Variants in ADGRL1 observed in about 807,000 individuals in gnomAD.
ADGRL1 encodes the protein CIRL-1.
Under a neutral mutation model 148.9 loss-of-function variants are expected in ADGRL1, and 31 were observed. That is an observed-to-expected ratio of 0.21 (90% CI 0.16 to 0.28). The LOEUF (loss-of-function observed/expected upper bound fraction) is 0.28, where lower values mean the gene tolerates loss of function less well. ADGRL1 is among the 10% of genes least tolerant of loss of function. The pLI, the probability that ADGRL1 is intolerant of heterozygous loss-of-function variation, is 1.00. For synonymous variants in ADGRL1, 937 were observed against 900.3 expected (o/e 1.04, Z -0.73); for missense variants, 1,521 against 2,058.8 (o/e 0.74, Z 5.05).
At chr19:14,186,497 G>A (rs1971581918) in intron 1 of ADGRL1, among the ~76,000 whole-genome samples, 1 of 152,120 alleles carries the variant, frequency 6.6e-6, no homozygotes. Context: ...GAAGCCATCA[G>A]CAACTCCTGT....
intron 18 of ADGRL1, among the ~76,000 whole-genome samples, chr19:14,154,157 G>A (rs1338109759): frequency 1.3e-5 from 2 of 151,992 alleles, no homozygotes; most frequent in East Asian, 1.9e-4. Flanking sequence ...TGTGAGGTGG[G>A]GGCTGTGAAA....
chr19:14,196,658 AC>A (rs1441591753), intron 1 of ADGRL1, among the ~76,000 whole-genome samples: 1 of 152,144 alleles, frequency 6.6e-6, no homozygotes, highest in Non-Finnish European at 1.5e-5. Flanking sequence ...AATGTGAAAC[AC>A]CAGGCACTGT....
intron 3 of ADGRL1, 106 bp downstream of exon 3, chr19:14,177,425 T>C (rs1461573777): frequency 3.0e-6 from 3 of 1,016,408 alleles, no homozygotes; most frequent in Admixed American, 1.8e-5. Context: ...AGTAAACATG[T>C]GTTGAATGCA....
chr19:14,151,404 G>A lies in ADGRL1; in HGVS notation c.3879C>T (p.Ser1293=), dbSNP rs568620837. The A allele has an allele frequency of 1.8e-5, 29 of 1,610,614 alleles. 1 individual carries two copies. The highest frequency in any genetic ancestry group is 1.7e-4 in the Middle Eastern group (1 of 6,056). ...CAGGCGGTGGAGGGCCCTTGGCCGC[G>A]CTGCTGCTCCCCCGCAGGTTGTTGT... ...LVHNNLRGSS[S]AAKGPPPPEP... The change falls in exon 23 of 23, where the codon AGC becomes AGT. Residue 1293 remains serine, a synonymous_variant. Coordinates refer to ENST00000361434, the MANE Select transcript of ADGRL1 (RefSeq NM_014921.5).
In ADGRL1 at chr19:14,157,916, G is replaced by T. The variant is rs1216648262; in HGVS notation, c.2501C>A (p.Thr834Asn). Residue 834 changes from threonine to asparagine, a missense_variant, in exon 13 of 23, where the codon ACC becomes AAC. Thr to Asn is a moderately conservative substitution (Grantham distance 65). Coordinates refer to ENST00000361434, the MANE Select transcript of ADGRL1 (RefSeq NM_014921.5). The surrounding 1 kb of genome is among the most constrained non-coding windows in gnomAD (Gnocchi z 7.5). ...GTGAGCCATGAGCACAGCGAAGTTGGTGAGGTGGCTGCAGGCACACGTGGT... is the reference window on the plus strand; with the variant it reads ...GTGAGCCATGAGCACAGCGAAGTTGTTGAGGTGGCTGCAGGCACACGTGGT... The part of the protein sequence containing the change: ...THTTCACSHL[T>N]NFAVLMAHRE... The T allele has an allele frequency of 6.2e-7, 1 of 1,614,100 alleles. No individual in the cohort carries two copies. Among genetic ancestry groups the T allele is most frequent in the African/African-American group, 1.3e-5 (1 of 74,948 alleles).
rs1398062873 is a variant in ADGRL1, at chr19:14,177,716, C to T, written c.99G>A (p.Gly33=). 6.2e-7 allele frequency: 1 copy of T among 1,613,264 alleles called. No homozygotes were observed. Among genetic ancestry groups the T allele is most frequent in the Non-Finnish European group, 8.5e-7 (1 of 1,179,858 alleles). ...CACACGCCAGCTCCCGGCGCATCAGCCCGAACGGGAGCCCGGCCCGGCTCA... is the reference window on the plus strand; with the variant it reads ...CACACGCCAGCTCCCGGCGCATCAGTCCGAACGGGAGCCCGGCCCGGCTCA... ...QGLSRAGLPF[G]LMRRELACEG... The change falls in exon 3 of 23, where the codon GGG becomes GGA. Residue 33 remains glycine, a synonymous_variant. Transcript: ENST00000361434.
At chr19:14,164,871 G>A (rs1325590695) in intron 4 of ADGRL1, among the ~76,000 whole-genome samples, 6 of 152,132 alleles carry the variant, frequency 3.9e-5, no homozygotes, top group Non-Finnish European at 5.9e-5. Context: ...CCTCCATCCA[G>A]GATGGCCGGG....
rs551904324 is a variant in ADGRL1, at chr19:14,168,425, CAT to C, written c.394+2255_394+2256del. Among the ~76,000 whole-genome samples the C allele has an allele frequency of 2.7e-3, 410 of 152,252 alleles. 2 individuals carry two copies. Among genetic ancestry groups the C allele is most frequent in the Middle Eastern group, 0.01 (3 of 294 alleles). Reference sequence around the variant, plus strand: ...AACATCCACCCCGTATGTGTGCACACATGTCTGCGCGTGTGTGTGTGTGCGTG... The same window carrying C: ...AACATCCACCCCGTATGTGTGCACACGTCTGCGCGTGTGTGTGTGTGCGTG... On this transcript the variant is annotated intron_variant, in intron 4 of 22. Coordinates refer to ENST00000361434, the MANE Select transcript of ADGRL1 (RefSeq NM_014921.5).
intron 2 of ADGRL1, among the ~76,000 whole-genome samples, chr19:14,179,445 G>A (rs1568611401): frequency 6.6e-6 from 1 of 152,010 alleles, no homozygotes; most frequent in South Asian, 2.1e-4. Flanking sequence ...AGTGAGCTGA[G>A]ATTGCACCAC....
At chr19:14,151,733 C>T in intron 22 of ADGRL1, 118 bp from the exon 23 acceptor site, 1 of 983,742 alleles carries the variant, frequency 1.0e-6, no homozygotes, top group Non-Finnish European at 1.5e-6. Context: ...TTTCCGTAGG[C>T]TTCCCCCTGC....
At chr19:14,153,011 G>T in intron 18 of ADGRL1, 99 bp from the exon 19 acceptor site, 2 of 1,420,526 alleles carry the variant, frequency 1.4e-6, no homozygotes, top group Non-Finnish European at 1.9e-6. Flanking sequence ...TTGGGAGGCC[G>T]GAGACCGAGC....
intron 1 of ADGRL1, chr19:14,191,331 C>CT (rs1365256850): frequency 2.2e-6 from 1 of 456,592 alleles, no homozygotes; most frequent in East Asian, 6.9e-5. Flanking sequence ...CCTTGCCATG[C>CT]TGTGACCTCT....
Position 14,150,673 on chromosome 19 carries a change from G to A in ADGRL1, c.*200C>T, listed in dbSNP as rs1968070606. On this transcript the variant is annotated 3_prime_UTR_variant, in exon 23 of 23. Coordinates refer to ENST00000361434, the MANE Select transcript of ADGRL1 (RefSeq NM_014921.5). ...ATAGAGCTGGTGCGTGTGGCTGGTG[G>A]GAAACCCTGTCTGTGAACCCTGGCA... 1 of 610,782 alleles carries A rather than the reference G, an allele frequency of 1.6e-6. No individual in the cohort carries two copies. The highest frequency in any genetic ancestry group is 2.1e-5 in the South Asian group (1 of 47,642). The allele number at this position is 610,782 out of a possible 1,614,324, so 37.8% of individuals were successfully genotyped here.
intron 4 of ADGRL1, among the ~76,000 whole-genome samples, chr19:14,163,972 C>T (rs971216425): frequency 1.3e-5 from 2 of 151,878 alleles, no homozygotes; most frequent in Non-Finnish European, 2.9e-5. Context: ...CCTCTTTCTT[C>T]CTCCTGCAAA....
chr19:14,155,556 G>C lies in ADGRL1; in HGVS notation c.3126-29C>G, dbSNP rs772347530. On this transcript the variant is annotated intron_variant, in intron 17 of 22. Coordinates refer to ENST00000361434, the MANE Select transcript of ADGRL1 (RefSeq NM_014921.5). This position sits in a 1 kb window ranked among gnomAD's most constrained non-coding sequence, Gnocchi z 5.0. The stretch of plus-strand genomic sequence containing the variant: ...GGAGTGGGGCGACAGGGGAGTCAAA[G>C]TACCCGCCGGAGGGGACGGCCTCAG... 3.1e-6 allele frequency: 5 copies of C among 1,611,096 alleles called. No homozygotes were observed. In the Admixed American group the frequency reaches 6.7e-5, roughly 21 times the overall value.
chr19:14,205,669 G>C (rs1419455419), intron 1 of ADGRL1, among the ~76,000 whole-genome samples: 1 of 151,260 alleles, frequency 6.6e-6, no homozygotes, highest in Admixed American at 6.6e-5. Context: ...GCGGGCACAC[G>C]CAGCCACGCG....
chr19:14,195,698 G>A (rs1257816346), intron 1 of ADGRL1, among the ~76,000 whole-genome samples: 1 of 152,176 alleles, frequency 6.6e-6, no homozygotes, highest in African/African-American at 2.4e-5. Flanking sequence ...TGAAGGATCA[G>A]CTGAGAGTTG....
At chr19:14,178,678 G>C (rs1012621170) in intron 2 of ADGRL1, among the ~76,000 whole-genome samples, 2 of 152,042 alleles carry the variant, frequency 1.3e-5, no homozygotes, top group Admixed American at 6.6e-5. Flanking sequence ...CACCATGTCC[G>C]GCTAATTTTT....
chr19:14,201,220 T>C (rs1972580654), intron 1 of ADGRL1, among the ~76,000 whole-genome samples: 1 of 150,808 alleles, frequency 6.6e-6, no homozygotes, highest in African/African-American at 2.4e-5. Flanking sequence ...AGAATCCATC[T>C]GGCTTCCTGA....
Sources: allele counts gnomAD v4.1 joint callset (sites outside exome capture counted in the v4.1 genomes callset), GRCh38; gene constraint gnomAD v4.1.1; non-coding constraint Gnocchi (gnomAD v3.1); transcripts MANE v1.5; gene names NCBI Gene and HGNC (gene_info 2026-07-23, HGNC 2026-07-21).